EPS15: variants seen among roughly 807,000 people sequenced by gnomAD.
EPS15 encodes the protein epidermal growth factor receptor pathway substrate 15.
A neutral mutation model predicts 113.8 loss-of-function variants in EPS15; 72 were observed. The observed-to-expected ratio is 0.63, with a 90% CI of 0.52 to 0.77. The LOEUF is 0.77. Among genes scored for constraint, EPS15 ranks in the 30% least tolerant of loss-of-function variants. EPS15 has a pLI of 0.00. For missense variants in EPS15, 1,048 were observed against 1,045.8 expected (o/e 1.00, Z -0.03); for synonymous variants, 344 against 363.4 (o/e 0.95, Z 0.61).
chr1:51,403,368 T>C, intron 17 of EPS15, 51 bp downstream of exon 17: 3 of 961,382 alleles, frequency 3.1e-6, no homozygotes, highest in Non-Finnish European at 5.0e-6. Flanking sequence ...CACCTCCTCC[T>C]GTCCTTCCAC....
Position 51,447,829 on chromosome 1 carries a change from T to C in EPS15, c.651+217A>G, listed in dbSNP as rs369781274. 1.3e-4 allele frequency: 31 copies of C among 247,432 alleles called. No homozygotes were observed. The East Asian group carries it at 2.8e-3, about 23-fold the overall frequency. The allele number at this position is 247,432 out of a possible 1,614,324, so 15.3% of individuals were successfully genotyped here. A position where few individuals can be genotyped will look rare whatever the true frequency, so the allele number is the denominator to read the frequency against. ...TTATGCAGGTTCAACGAGATGGTGC[T>C]CTAAAATTTTTATCCTTTTAATTGC... is the stretch of plus-strand genomic sequence containing the variant. On this transcript the variant is annotated intron_variant, in intron 9 of 24. Transcript: ENST00000371733.
intron 1 of EPS15, among the ~76,000 whole-genome samples, chr1:51,512,774 G>A (rs1644647145): frequency 6.6e-6 from 1 of 150,554 alleles, no homozygotes; most frequent in Admixed American, 6.6e-5. Flanking sequence ...TGTTGATCAA[G>A]CTGTGGAGGA....
At chr1:51,402,333 T>G in intron 18 of EPS15, 102 bp downstream of exon 18, 3 of 570,730 alleles carry the variant, frequency 5.3e-6, no homozygotes, top group Middle Eastern at 5.1e-4. Flanking sequence ...GGCGACAGAC[T>G]GAGTTGGTAG....
chr1:51,443,653 CTTTCTTT>C (rs1317632503), intron 11 of EPS15, among the ~76,000 whole-genome samples: 1 of 151,538 alleles, frequency 6.6e-6, no homozygotes, highest in Non-Finnish European at 1.5e-5. Flanking sequence ...TTCTTTCTTT[CTTTCTTT>C]TTTTAAGAGA....
intron 1 of EPS15, among the ~76,000 whole-genome samples, chr1:51,509,157 G>C (rs1644575178): frequency 6.6e-6 from 1 of 152,086 alleles, no homozygotes; most frequent in Non-Finnish European, 1.5e-5. Flanking sequence ...AGGCTTACTA[G>C]AGTAGTGACA....
rs878936060 is a variant in EPS15 at position 51,356,516 on chromosome 1, G to GA, written c.*183dup. 0.084 allele frequency: 25,665 copies of GA among 306,354 alleles called. 1 individual carries two copies. Among genetic ancestry groups the GA allele is most frequent in the South Asian group, 0.11 (2,156 of 20,472 alleles). The allele number at this position is 306,354 out of a possible 1,614,324, so 19.0% of individuals were successfully genotyped here. ...TCTGACTGGGTTACGGCTTTTATAAGAAAAAAAAAAAAAGACGAATCTGTA... is the reference window on the plus strand; with the variant it reads ...TCTGACTGGGTTACGGCTTTTATAAGAAAAAAAAAAAAAAGACGAATCTGTA... On this transcript the variant is annotated 3_prime_UTR_variant, in exon 25 of 25. Coordinates refer to ENST00000371733, the MANE Select transcript of EPS15 (RefSeq NM_001981.3).
intron 11 of EPS15, among the ~76,000 whole-genome samples, chr1:51,442,749 T>C (rs955148812): frequency 6.6e-6 from 1 of 152,036 alleles, no homozygotes; most frequent in Non-Finnish European, 1.5e-5. Context: ...AAAAAACCTC[T>C]CATTTCAAAA....
intron 8 of EPS15, among the ~76,000 whole-genome samples, chr1:51,455,780 A>T (rs1328510217): frequency 6.6e-6 from 1 of 152,118 alleles, no homozygotes; most frequent in African/African-American, 2.4e-5. Context: ...ATATTTTAAA[A>T]ATCCAGATTT....
At chr1:51,486,774 G>A (rs1644131374) in intron 1 of EPS15, among the ~76,000 whole-genome samples, 2 of 151,744 alleles carry the variant, frequency 1.3e-5, no homozygotes, top group Admixed American at 6.6e-5. Context: ...TGCCTCCCAG[G>A]GTCAAGTGAT....
intron 13 of EPS15, among the ~76,000 whole-genome samples, chr1:51,411,321 G>A (rs1289240801): frequency 6.6e-6 from 1 of 152,102 alleles, no homozygotes; most frequent in African/African-American, 2.4e-5. Context: ...ATTCCTCAAT[G>A]ATACTTGAGG....
chr1:51,475,179 T>A (rs1267117936), intron 2 of EPS15, among the ~76,000 whole-genome samples: 2 of 152,136 alleles, frequency 1.3e-5, no homozygotes, highest in Admixed American at 6.6e-5. Context: ...TGATTTATAA[T>A]CCTTTGGGTA....
At chr1:51,459,452 C>T (rs572984750) in intron 8 of EPS15, among the ~76,000 whole-genome samples, 15 of 152,078 alleles carry the variant, frequency 9.9e-5, no homozygotes, top group East Asian at 3.9e-4. Flanking sequence ...GCCAAGATTG[C>T]GCCACTGCAC....
At chr1:51,512,170 T>A (rs1278338568) in intron 1 of EPS15, among the ~76,000 whole-genome samples, 1 of 152,104 alleles carries the variant, frequency 6.6e-6, no homozygotes, top group African/African-American at 2.4e-5. Context: ...TTTAACAAAT[T>A]GGGAAACTAC....
intron 1 of EPS15, chr1:51,518,556 G>A (rs1054461373): frequency 1.3e-5 from 2 of 152,792 alleles, no homozygotes; most frequent in African/African-American, 2.4e-5. Flanking sequence ...GAGGCTGAAC[G>A]GAGGAAGGGG....
intron 13 of EPS15, among the ~76,000 whole-genome samples, chr1:51,420,506 G>T (rs1650652420): frequency 6.6e-6 from 1 of 152,154 alleles, no homozygotes; most frequent in Non-Finnish European, 1.5e-5. Flanking sequence ...AACTTGTGTA[G>T]ATTATTTTAT....
intron 19 of EPS15, among the ~76,000 whole-genome samples, chr1:51,400,408 C>G (rs1648400067): frequency 6.6e-6 from 1 of 151,958 alleles, no homozygotes; most frequent in Non-Finnish European, 1.5e-5. Context: ...AAAAGTAAAG[C>G]TATCGGGCAC....
At chr1:51,380,818 A>G (rs1442214049) in intron 21 of EPS15, among the ~76,000 whole-genome samples, 2 of 152,242 alleles carry the variant, frequency 1.3e-5, no homozygotes, top group Non-Finnish European at 2.9e-5. Flanking sequence ...ATCTAAGGAC[A>G]CACATAGTTT....
Position 51,356,822 on chromosome 1 carries a change from C to A in EPS15, c.2569G>T (p.Glu857Ter). The A allele has an allele frequency of 1.9e-6, 3 of 1,613,192 alleles. No homozygotes were observed. The highest frequency in any genetic ancestry group is 2.5e-6 in the Non-Finnish European group (3 of 1,179,606). Residue 857 changes from glutamate (E) to a stop codon, truncating the protein, a stop_gained, in exon 25 of 25, where the codon GAA becomes TAA. Coordinates refer to ENST00000371733, the MANE Select transcript of EPS15 (RefSeq NM_001981.3). LOFTEE classifies it high-confidence loss of function. ...SAYPSEEDMI[E>*]WAKRESEREE... ...CTCTCACTTTCCCTCTTGGCCCATT[C>A]GATCATATCTTCTTCAGAGGGATAC... is the stretch of plus-strand genomic sequence containing the variant.
chr1:51,358,699 G>GTTTTTTTTTTTTTTTTT (rs1181151202), intron 24 of EPS15, among the ~76,000 whole-genome samples: 2 of 129,318 alleles, frequency 1.5e-5, no homozygotes, highest in African/African-American at 5.8e-5. Flanking sequence ...AACCAGATTT[G>GTTTTTTTTTTTTTTTTT]TTTTTTTTTG....
Sources: allele counts gnomAD v4.1 joint callset (sites outside exome capture counted in the v4.1 genomes callset), GRCh38; gene constraint gnomAD v4.1.1; transcripts MANE v1.5; gene names NCBI Gene and HGNC (gene_info 2026-07-23, HGNC 2026-07-21).